Variants in RALGAPA2 observed in about 807,000 individuals in gnomAD.
The protein encoded by RALGAPA2 is ral GTPase-activating protein subunit alpha-2.
Under a neutral mutation model 230.4 loss-of-function variants are expected in RALGAPA2, and 139 were observed. The ratio of observed to expected loss-of-function variants is 0.60; its 90% CI spans 0.53 to 0.69. The LOEUF is 0.69. Among genes scored for constraint, RALGAPA2 ranks in the 30% least tolerant of loss-of-function variants. RALGAPA2 has a pLI of 0.00. For missense variants in RALGAPA2, 2,163 were observed against 2,276.0 expected (o/e 0.95, Z 1.01); for synonymous variants, 847 against 837.8 (o/e 1.01, Z -0.19).
intron 20 of RALGAPA2, among the ~76,000 whole-genome samples, chr20:20,577,174 A>G (rs1486989148): frequency 6.6e-6 from 1 of 152,126 alleles, no homozygotes; most frequent in African/African-American, 2.4e-5. Context: ...GGCATTTTTA[A>G]GGCCTAATCA....
chr20:20,427,764 G>A (rs1434321330), intron 37 of RALGAPA2, among the ~76,000 whole-genome samples: 3 of 148,872 alleles, frequency 2.0e-5, no homozygotes, highest in Non-Finnish European at 4.4e-5. Context: ...GGCCCAGGAT[G>A]GATTGTGCAA....
chr20:20,644,735 A>G (rs76701517), intron 4 of RALGAPA2, among the ~76,000 whole-genome samples: 2,186 of 152,316 alleles, frequency 0.014, 49 homozygotes, highest in African/African-American at 0.05. Flanking sequence ...TCTAGAGCCA[A>G]CATTTACTAG....
chr20:20,574,943 TA>T (rs2145949200), intron 20 of RALGAPA2, among the ~76,000 whole-genome samples: 1 of 152,272 alleles, frequency 6.6e-6, no homozygotes, highest in Admixed American at 6.5e-5. Flanking sequence ...GGTGCTTGAG[TA>T]GGCCACCAAA....
chr20:20,616,583 G>A (rs1245849220), intron 12 of RALGAPA2, among the ~76,000 whole-genome samples: 5 of 152,104 alleles, frequency 3.3e-5, no homozygotes, highest in Admixed American at 6.5e-5. Flanking sequence ...GGGAATGGGA[G>A]GAGTAGAGGA....
chr20:20,444,738 G>A (rs1259101986), intron 37 of RALGAPA2, among the ~76,000 whole-genome samples: 5 of 152,144 alleles, frequency 3.3e-5, no homozygotes, highest in Non-Finnish European at 1.5e-5. Context: ...CCAACACTTG[G>A]TATTTTTCAC....
At chr20:20,427,634 C>T (rs2060413582) in intron 37 of RALGAPA2, among the ~76,000 whole-genome samples, 1 of 152,070 alleles carries the variant, frequency 6.6e-6, no homozygotes, top group African/African-American at 2.4e-5. Flanking sequence ...GGCACCGTTA[C>T]CATGCACCTG....
chr20:20,401,984 T>C (rs780397621), intron 38 of RALGAPA2, among the ~76,000 whole-genome samples: 2 of 152,176 alleles, frequency 1.3e-5, no homozygotes, highest in African/African-American at 2.4e-5. Flanking sequence ...GGAGGGACAT[T>C]TTGCCATTGC....
intron 37 of RALGAPA2, among the ~76,000 whole-genome samples, chr20:20,440,771 AG>A (rs1345957721): frequency 1.3e-5 from 2 of 152,238 alleles, no homozygotes; most frequent in South Asian, 2.1e-4. Flanking sequence ...CCTCACTGCC[AG>A]GTGGTCGCGC....
chr20:20,499,896 C>T (rs1047366504), intron 35 of RALGAPA2, among the ~76,000 whole-genome samples: 1 of 152,066 alleles, frequency 6.6e-6, no homozygotes, highest in Non-Finnish European at 1.5e-5. Context: ...CAGACATATC[C>T]GCAATAGGTT....
At chr20:20,462,957 T>C (rs988285172) in intron 37 of RALGAPA2, among the ~76,000 whole-genome samples, 1 of 152,238 alleles carries the variant, frequency 6.6e-6, no homozygotes, top group Non-Finnish European at 1.5e-5. Context: ...ATTCTGTTCC[T>C]TTCAACATGG....
At chr20:20,684,468 G>A (rs1353599182) in intron 1 of RALGAPA2, among the ~76,000 whole-genome samples, 4 of 152,124 alleles carry the variant, frequency 2.6e-5, no homozygotes, top group African/African-American at 9.7e-5. Context: ...TCCTCATGAG[G>A]CCAAAAGTCC....
Position 20,695,529 on chromosome 20 carries a change from C to T in RALGAPA2, c.107-14728G>A, listed in dbSNP as rs376646405. On this transcript the variant is annotated intron_variant, in intron 1 of 39. Transcript: ENST00000202677. ...CTTTCCTTGTTGTGCTTAAACCTGACGCTGACTGACTGTCAACTGACAGAA... is the reference window on the plus strand; with the variant it reads ...CTTTCCTTGTTGTGCTTAAACCTGATGCTGACTGACTGTCAACTGACAGAA... 5.3e-4 allele frequency among the ~76,000 whole-genome samples: 81 copies of T among 152,292 alleles called. No individual in the cohort carries two copies. In the South Asian group the frequency reaches 0.013, roughly 25 times the overall value.
intron 32 of RALGAPA2, among the ~76,000 whole-genome samples, chr20:20,512,125 T>C (rs990800192): frequency 6.6e-6 from 1 of 151,096 alleles, no homozygotes; most frequent in African/African-American, 2.4e-5. Flanking sequence ...GAGGCGGAGG[T>C]TGCCGTGAGC....
In RALGAPA2 at chr20:20,574,533, C is replaced by A. The variant is rs188105550; in HGVS notation, c.2708-1465G>T. Among the ~76,000 whole-genome samples, 6 of 152,236 alleles carry A rather than the reference C, an allele frequency of 3.9e-5. No homozygotes were observed. In the East Asian group the frequency reaches 1.2e-3, roughly 29 times the overall value. Reference sequence around the variant, plus strand: ...AAGACTGATTTGAGTACGTCTCCAGCTTCCTAAAATAAGCCTTTGAATTTT... The same window carrying A: ...AAGACTGATTTGAGTACGTCTCCAGATTCCTAAAATAAGCCTTTGAATTTT... On this transcript the variant is annotated intron_variant, in intron 20 of 39. Coordinates refer to ENST00000202677, the MANE Select transcript of RALGAPA2 (RefSeq NM_020343.4).
At chr20:20,627,256 G>A (rs533230788) in intron 10 of RALGAPA2, among the ~76,000 whole-genome samples, 2 of 152,302 alleles carry the variant, frequency 1.3e-5, no homozygotes, top group East Asian at 3.9e-4. Context: ...CATAGGAGGA[G>A]AGGGAGATGG....
chr20:20,526,419 T>C, intron 27 of RALGAPA2, 57 bp from the exon 28 acceptor site: 1 of 1,160,304 alleles, frequency 8.6e-7, no homozygotes, highest in Non-Finnish European at 1.2e-6. Flanking sequence ...TGTATCGTTC[T>C]TAAGGACAAA....
At chr20:20,564,380 T>C (rs1343523848) in intron 23 of RALGAPA2, among the ~76,000 whole-genome samples, 5 of 152,192 alleles carry the variant, frequency 3.3e-5, no homozygotes, top group Non-Finnish European at 5.9e-5. Flanking sequence ...CAAATCAACT[T>C]AGCTAAAAGG....
At chr20:20,643,980 C>T (rs2067125935) in intron 4 of RALGAPA2, among the ~76,000 whole-genome samples, 1 of 152,036 alleles carries the variant, frequency 6.6e-6, no homozygotes, top group African/African-American at 2.4e-5. Context: ...GGGGTTTGGT[C>T]CATCAATAAA....
At position 20,661,556 on chromosome 20, in the gene RALGAPA2, T is replaced by C. The variant is rs532454557; in HGVS notation, c.271-7969A>G. ...TGGAATGAAAATAGAAAGTGCACCT[T>C]CCAAATTACAAAGCATATTCCATAA... On this transcript the variant is annotated intron_variant, in intron 3 of 39. Coordinates refer to ENST00000202677, the MANE Select transcript of RALGAPA2 (RefSeq NM_020343.4). 1.3e-4 allele frequency among the ~76,000 whole-genome samples: 20 copies of C among 152,256 alleles called. No individual in the cohort carries two copies. In the South Asian group the frequency reaches 3.9e-3, roughly 30 times the overall value.
Sources: gnomAD v4.1 joint callset for allele counts (sites outside exome capture counted in the v4.1 genomes callset) on GRCh38, gnomAD v4.1.1 for gene constraint, MANE v1.5 for transcripts, NCBI Gene and HGNC (gene_info 2026-07-23, HGNC 2026-07-21) for gene names.